The following ZEB2 variants were observed in gnomAD, a reference collection of about 807,000 sequenced individuals.
ZEB2 encodes zinc finger E-box binding homeobox 2.
A neutral mutation model predicts 99.9 loss-of-function variants in ZEB2; 6 were observed. The observed-to-expected ratio is 0.06, with a 90% confidence interval of 0.03 to 0.12. The LOEUF is 0.12. ZEB2 is among the 10% of genes least tolerant of loss of function. The pLI, the probability that ZEB2 is intolerant of heterozygous loss-of-function variation, is 1.00. For missense variants in ZEB2, 969 were observed against 1,502.8 expected (o/e 0.64, Z 5.87); for synonymous variants, 517 against 542.5 (o/e 0.95, Z 0.65).
chr2:144,455,248 C>A (rs1704105682), intron 2 of ZEB2: 1 of 152,186 alleles, frequency 6.6e-6, no homozygotes, highest in Non-Finnish European at 1.5e-5. Context: ...CCTGCTCTAT[C>A]AAAAGAGAAT....
At chr2:144,457,294 G>A (rs1340112563) in intron 2 of ZEB2, among the ~76,000 whole-genome samples, 1 of 152,112 alleles carries the variant, frequency 6.6e-6, no homozygotes, top group African/African-American at 2.4e-5. Flanking sequence ...TTATAGATGA[G>A]TAAATTGAAT....
intron 2 of ZEB2, among the ~76,000 whole-genome samples, chr2:144,436,748 C>T (rs1209865703): frequency 6.6e-6 from 1 of 152,090 alleles, no homozygotes; most frequent in Non-Finnish European, 1.5e-5. Flanking sequence ...TTTTCCCCTC[C>T]AAACCTCTTC....
intron 2 of ZEB2, among the ~76,000 whole-genome samples, chr2:144,488,528 T>C (rs1456289800): frequency 1.3e-5 from 2 of 152,176 alleles, no homozygotes; most frequent in Non-Finnish European, 2.9e-5. Flanking sequence ...TCATGTTCTC[T>C]AAGTTTAATT....
In ZEB2 at chr2:144,414,394, C is replaced by T. The variant is rs537297999; in HGVS notation, c.404-9370G>A. On this transcript the variant is annotated intron_variant, in intron 4 of 9. Coordinates refer to ENST00000627532, the MANE Select transcript of ZEB2 (RefSeq NM_014795.4). ...GACAGCAACTGCAGAGCCAACCAAGCAGCCCTTCTCAGTGCTGGGCCCTGT... is the reference window on the plus strand; with the variant it reads ...GACAGCAACTGCAGAGCCAACCAAGTAGCCCTTCTCAGTGCTGGGCCCTGT... 2.0e-5 allele frequency among the ~76,000 whole-genome samples: 3 copies of T among 152,300 alleles called. No homozygotes were observed. The South Asian group carries it at 6.2e-4, about 32-fold the overall frequency.
At chr2:144,511,030 G>A (rs979985958) in intron 2 of ZEB2, among the ~76,000 whole-genome samples, 3 of 152,074 alleles carry the variant, frequency 2.0e-5, no homozygotes, top group Non-Finnish European at 2.9e-5. Context: ...CAGACTGGCA[G>A]TTTTTTTCCC....
At chr2:144,458,422 G>T (rs1043969966) in intron 2 of ZEB2, among the ~76,000 whole-genome samples, 1 of 152,076 alleles carries the variant, frequency 6.6e-6, no homozygotes, top group Non-Finnish European at 1.5e-5. Flanking sequence ...TACATTGAGA[G>T]AGGGTTTGCA....
At chr2:144,435,170 C>G (rs1703820202) in intron 2 of ZEB2, among the ~76,000 whole-genome samples, 1 of 152,128 alleles carries the variant, frequency 6.6e-6, no homozygotes, top group Non-Finnish European at 1.5e-5. Flanking sequence ...TGGCCCTTCA[C>G]TTAGAAATTT....
Position 144,399,022 on chromosome 2 carries a change from G to A in ZEB2, c.2165C>T (p.Pro722Leu). 3 of 1,614,108 alleles carry A rather than the reference G, an allele frequency of 1.9e-6. No individual in the cohort carries two copies. Among genetic ancestry groups the A allele is most frequent in the East Asian group, 2.2e-5 (1 of 44,880 alleles). ...SKPLAPNSNP[P>L]TKDSLLPRSP... The stretch of plus-strand genomic sequence containing the variant: ...CCTGGGTAATAAAGAGTCTTTTGTG[G>A]GAGGGTTACTGTTGGGAGCTAACGG... The change falls in exon 8 of 10, where the codon CCC (proline) becomes CTC (leucine). Residue 722 changes from proline (P) to leucine (L), a missense_variant. This residue lies in a region of ZEB2 where 346 missense variants were observed against 460.0 expected (regional missense o/e 0.75). Transcript: ENST00000627532. This position sits in a 1 kb window ranked among gnomAD's most constrained non-coding sequence, Gnocchi z 5.6.
At chr2:144,491,405 C>T (rs1028905914) in intron 2 of ZEB2, among the ~76,000 whole-genome samples, 8 of 148,046 alleles carry the variant, frequency 5.4e-5, no homozygotes, top group Non-Finnish European at 8.9e-5. Context: ...AAAAAGGGGG[C>T]ACAAAAGTGA....
At chr2:144,411,929 T>C (rs1038242565) in intron 4 of ZEB2, among the ~76,000 whole-genome samples, 6 of 152,236 alleles carry the variant, frequency 3.9e-5, no homozygotes, top group Non-Finnish European at 7.3e-5. Flanking sequence ...ACGATTTTGA[T>C]TGCTGTGTAT....
At chr2:144,511,285 C>A in intron 2 of ZEB2, 1 of 713,400 alleles carries the variant, frequency 1.4e-6, no homozygotes, top group Non-Finnish European at 1.9e-6. Context: ...AGAGAAAAGC[C>A]AAAAGATACA....
intron 3 of ZEB2, chr2:144,429,465 A>C (rs141381228): frequency 5.1e-6 from 2 of 396,030 alleles, no homozygotes; most frequent in Non-Finnish European, 9.5e-6. Context: ...GATCTTGATC[A>C]TGTTACATAA....
At chr2:144,396,671 G>T in intron 8 of ZEB2, 79 bp from the exon 9 acceptor site, 1 of 1,489,378 alleles carries the variant, frequency 6.7e-7, no homozygotes. Context: ...GGGGACATTT[G>T]GAGAACCTCA....
At position 144,454,129 on chromosome 2, in the gene ZEB2, C is replaced by T. The variant is rs150792380; in HGVS notation, c.74-24103G>A. ...GTTCATCACAAAATAAGGAGTATTACTAGTATGACCTTAAAGATGGTGTTT... is the reference window on the plus strand; with the variant it reads ...GTTCATCACAAAATAAGGAGTATTATTAGTATGACCTTAAAGATGGTGTTT... On this transcript the variant is annotated intron_variant, in intron 2 of 9. Coordinates refer to ENST00000627532, the MANE Select transcript of ZEB2 (RefSeq NM_014795.4). Among the ~76,000 whole-genome samples the T allele has an allele frequency of 2.0e-3, 305 of 152,242 alleles. 1 individual carries two copies. The highest frequency in any genetic ancestry group is 6.8e-3 in the Middle Eastern group (2 of 294).
At chr2:144,490,296 A>G (rs1353819171) in intron 2 of ZEB2, among the ~76,000 whole-genome samples, 2 of 152,202 alleles carry the variant, frequency 1.3e-5, no homozygotes, top group African/African-American at 4.8e-5. Context: ...AAATGAGATA[A>G]TGTATACAAA....
At chr2:144,475,927 C>A (rs1704423291) in intron 2 of ZEB2, among the ~76,000 whole-genome samples, 1 of 152,138 alleles carries the variant, frequency 6.6e-6, no homozygotes, top group South Asian at 2.1e-4. Context: ...TAAATAGACA[C>A]CAAACTGTTG....
In ZEB2 at chr2:144,384,457, C is replaced by G. The variant is rs1703054153; in HGVS notation, c.*4994G>C. 1 of 151,946 alleles carries G rather than the reference C, an allele frequency of 6.6e-6. No individual in the cohort carries two copies. The highest frequency in any genetic ancestry group is 1.5e-5 in the Non-Finnish European group (1 of 67,974). 9.4% of individuals were successfully genotyped at this position (151,946 alleles called of 1,614,324 possible). A position where few individuals can be genotyped will look rare whatever the true frequency, so the allele number is the denominator to read the frequency against. On this transcript the variant is annotated 3_prime_UTR_variant, in exon 10 of 10. Transcript: ENST00000627532. ...CAGAGGCCCTCTGAAACATCAGACCCAAAAAATTGGACACAGCCTACTAGC... is the reference window on the plus strand; with the variant it reads ...CAGAGGCCCTCTGAAACATCAGACCGAAAAAATTGGACACAGCCTACTAGC...
intron 9 of ZEB2, among the ~76,000 whole-genome samples, chr2:144,395,999 T>TG (rs1703224991): frequency 6.6e-6 from 1 of 152,128 alleles, no homozygotes; most frequent in Non-Finnish European, 1.5e-5. Flanking sequence ...ATGGCTTTCT[T>TG]GGTGTTTTGG....
intron 4 of ZEB2, among the ~76,000 whole-genome samples, chr2:144,420,745 A>G (rs1703608822): frequency 6.6e-6 from 1 of 152,076 alleles, no homozygotes; most frequent in Non-Finnish European, 1.5e-5. Context: ...ACTGGAAGAA[A>G]GGAGCTGGGG....
Sources: gnomAD v4.1 joint callset for allele counts (sites outside exome capture counted in the v4.1 genomes callset) on GRCh38, gnomAD v4.1.1 for gene constraint, gnomAD v4.1.1 regional missense constraint, Gnocchi (gnomAD v3.1) non-coding constraint, MANE v1.5 for transcripts, NCBI Gene and HGNC (gene_info 2026-07-23, HGNC 2026-07-21) for gene names.